TRDN: variants seen among roughly 807,000 people sequenced by gnomAD.
TRDN encodes triadin in skeletal muscle.
Under a neutral mutation model 149.7 loss-of-function variants are expected in TRDN, and 161 were observed. The observed-to-expected ratio is 1.08, with a 90% CI of 0.95 to 1.23. The LOEUF is 1.23. Among genes scored for constraint, TRDN ranks in the 50% most tolerant of loss-of-function variants. The probability of loss-of-function intolerance (pLI) is 0.00; values close to 1 mark genes in which losing one functional copy is unlikely to be tolerated. For synonymous variants in TRDN, 294 were observed against 250.5 expected, an observed-to-expected ratio of 1.17 and a Z score of -1.64; for missense variants, 896 against 823.5, an observed-to-expected ratio of 1.09 and a Z score of -1.08.
intron 18 of TRDN, 88 bp from the exon 19 acceptor site, chr6:123,375,719 T>G: frequency 9.1e-7 from 1 of 1,095,924 alleles, no homozygotes; most frequent in Non-Finnish European, 1.3e-6. Context: ...TCTTAATTGT[T>G]TAAAGATTGT....
Position 123,331,879 on chromosome 6 carries a change from CT to C in TRDN, c.1470del (p.Glu491AsnfsTer55). 6.5e-7 allele frequency: 1 copy of C among 1,538,630 alleles called. No individual in the cohort carries two copies. ...TTCACATTTCATTGTATAATATTAC[CT>C]TTTTCCTTTAGGGAAGCTGGAACTT... Reference protein sequence around the residue: ...EEKVPASLKEKEPETKKDEKM... With the variant: ...EEKVPASLKEXEPETKKDEKM... On this transcript the variant is annotated frameshift_variant and splice_region_variant, in exon 23 of 41. Coordinates refer to ENST00000334268, the MANE Select transcript of TRDN (RefSeq NM_006073.4). LOFTEE classifies it high-confidence loss of function.
chr6:123,222,188 T>A (rs1333621913), intron 39 of TRDN, among the ~76,000 whole-genome samples: 1 of 151,476 alleles, frequency 6.6e-6, no homozygotes, highest in Admixed American at 6.6e-5. Flanking sequence ...TTAGAAGTTG[T>A]GAGAGAGTGT....
intron 32 of TRDN, among the ~76,000 whole-genome samples, chr6:123,265,806 A>G (rs1776931721): frequency 6.8e-6 from 1 of 147,856 alleles, no homozygotes; most frequent in Non-Finnish European, 1.5e-5. Flanking sequence ...ATGTTGAACA[A>G]TAAGGTTCCT....
chr6:123,420,841 A>G (rs569624306), intron 12 of TRDN, among the ~76,000 whole-genome samples: 1 of 152,332 alleles, frequency 6.6e-6, no homozygotes, highest in Non-Finnish European at 1.5e-5. Flanking sequence ...TTATAAATTA[A>G]TGGAAAAAAT....
intron 9 of TRDN, among the ~76,000 whole-genome samples, chr6:123,491,022 C>T (rs983091292): frequency 1.3e-5 from 2 of 151,788 alleles, no homozygotes; most frequent in Non-Finnish European, 2.9e-5. Context: ...AGGAGAATTG[C>T]TTGAACCCGG....
chr6:123,521,480 A>G (rs1345069347), intron 5 of TRDN, among the ~76,000 whole-genome samples: 1 of 152,100 alleles, frequency 6.6e-6, no homozygotes, highest in African/African-American at 2.4e-5. Flanking sequence ...CTTCATCTAC[A>G]AGGCCCCAAA....
intron 19 of TRDN, among the ~76,000 whole-genome samples, chr6:123,371,393 G>A (rs115663847): frequency 1.8e-3 from 277 of 151,074 alleles, no homozygotes; most frequent in African/African-American, 6.2e-3. Context: ...CTTTTTTTCC[G>A]TCCTATTGGG....
chr6:123,521,033 T>A (rs1428905031), intron 5 of TRDN, among the ~76,000 whole-genome samples: 1 of 152,182 alleles, frequency 6.6e-6, no homozygotes, highest in Admixed American at 6.6e-5. Context: ...ATGTATTTGA[T>A]TGCATTTTGA....
rs551376648 is a variant in TRDN at position 123,616,037 on chromosome 6, T to C, written c.22+20717A>G. 3.9e-5 allele frequency among the ~76,000 whole-genome samples: 6 copies of C among 152,198 alleles called. No homozygotes were observed. The East Asian group carries it at 7.7e-4, about 20-fold the overall frequency. On this transcript the variant is annotated intron_variant, in intron 1 of 40. Coordinates refer to ENST00000334268, the MANE Select transcript of TRDN (RefSeq NM_006073.4). ...CATATATATGTGTCAGTTAAAAATA[T>C]ATAATAAAGCAAAAAAGACCTATAA...
At chr6:123,610,354 G>C (rs1206712465) in intron 1 of TRDN, among the ~76,000 whole-genome samples, 3 of 152,124 alleles carry the variant, frequency 2.0e-5, no homozygotes, top group Non-Finnish European at 4.4e-5. Flanking sequence ...ATTGCTTCCT[G>C]ATGCTTGATA....
At chr6:123,560,231 C>T (rs1044046981) in intron 2 of TRDN, among the ~76,000 whole-genome samples, 12 of 152,112 alleles carry the variant, frequency 7.9e-5, no homozygotes, top group Admixed American at 2.6e-4. Flanking sequence ...TTTCTCACAC[C>T]GGACGCATAT....
At chr6:123,391,817 C>T (rs186398451) in intron 13 of TRDN, among the ~76,000 whole-genome samples, 242 of 152,120 alleles carry the variant, frequency 1.6e-3, no homozygotes, top group African/African-American at 5.6e-3. Context: ...AATTTTGTCA[C>T]TTTATACTTC....
chr6:123,311,979 A>C (rs550378185), intron 24 of TRDN, among the ~76,000 whole-genome samples: 363 of 152,130 alleles, frequency 2.4e-3, no homozygotes, highest in African/African-American at 8.3e-3. Context: ...CAGAGGAATT[A>C]ATAGAAGATA....
intron 38 of TRDN, among the ~76,000 whole-genome samples, chr6:123,226,610 A>G (rs1253621270): frequency 6.6e-6 from 1 of 151,858 alleles, no homozygotes; most frequent in East Asian, 1.9e-4. Context: ...AAGCACAAGA[A>G]AGTAAACGGC....
intron 22 of TRDN, among the ~76,000 whole-genome samples, chr6:123,336,615 T>C (rs1256231970): frequency 6.6e-6 from 1 of 151,930 alleles, no homozygotes; most frequent in Non-Finnish European, 1.5e-5. Context: ...TTATTAATAC[T>C]GTAACTTCTC....
At chr6:123,602,892 C>A (rs1397725838) in intron 1 of TRDN, among the ~76,000 whole-genome samples, 4 of 151,922 alleles carry the variant, frequency 2.6e-5, no homozygotes, top group African/African-American at 9.7e-5. Context: ...TCATACACAT[C>A]AACGACTTCA....
chr6:123,226,941 T>C (rs1775396574), intron 38 of TRDN, among the ~76,000 whole-genome samples: 1 of 151,682 alleles, frequency 6.6e-6, no homozygotes, highest in African/African-American at 2.4e-5. Context: ...AAGAAGGAGA[T>C]GCCAAAATTA....
intron 20 of TRDN, among the ~76,000 whole-genome samples, chr6:123,360,768 C>T (rs762275844): frequency 6.7e-6 from 1 of 150,258 alleles, no homozygotes; most frequent in Non-Finnish European, 1.5e-5. Flanking sequence ...AGGTGTAAAT[C>T]AAGGAAAAGA....
intron 12 of TRDN, among the ~76,000 whole-genome samples, chr6:123,409,690 T>TACACACACACACACAC (rs5879677): frequency 4.4e-4 from 66 of 149,412 alleles, no homozygotes; most frequent in Admixed American, 2.8e-3. Context: ...TAATGTAATT[T>TACACACACACACACAC]ACACACACAC....
Sources: allele counts gnomAD v4.1 joint callset (sites outside exome capture counted in the v4.1 genomes callset), GRCh38; gene constraint gnomAD v4.1.1; transcripts MANE v1.5; gene names NCBI Gene and HGNC (gene_info 2026-07-23, HGNC 2026-07-21).